PTPRD: variants seen among roughly 807,000 people sequenced by gnomAD.
PTPRD encodes the protein protein tyrosine phosphatase receptor type D, also known as receptor-type tyrosine-protein phosphatase delta.
In PTPRD, 34 loss-of-function variants were observed where a neutral mutation model predicts 214.5. That is an observed-to-expected ratio of 0.16 (90% CI 0.12 to 0.21). The LOEUF (loss-of-function observed/expected upper bound fraction) is 0.21. Ranked by LOEUF, PTPRD falls within the 10% of genes least tolerant of loss-of-function variation. The pLI is 1.00. For missense variants in PTPRD, 2,545 were observed against 2,398.7 expected, an observed-to-expected ratio of 1.06 and a Z score of -1.27; for synonymous variants, 1,128 against 845.7, an observed-to-expected ratio of 1.33 and a Z score of -5.79.
At chr9:8,750,646 C>A (rs1318279136) in intron 11 of PTPRD, among the ~76,000 whole-genome samples, 1 of 152,128 alleles carries the variant, frequency 6.6e-6, no homozygotes, top group Non-Finnish European at 1.5e-5. Flanking sequence ...TGCAGAAAAG[C>A]TTCCCATGTG....
intron 3 of PTPRD, among the ~76,000 whole-genome samples, chr9:10,325,315 TA>T (rs2096623741): frequency 6.6e-6 from 1 of 151,992 alleles, no homozygotes; most frequent in Non-Finnish European, 1.5e-5. Context: ...TAGGCAATTT[TA>T]AAAACGTTTT....
At chr9:9,339,989 G>C (rs761124776) in intron 9 of PTPRD, among the ~76,000 whole-genome samples, 2 of 152,106 alleles carry the variant, frequency 1.3e-5, no homozygotes, top group Non-Finnish European at 2.9e-5. Flanking sequence ...TAATTGGGTA[G>C]GCTGTATGTA....
chr9:8,829,437 T>C lies in PTPRD; in HGVS notation c.-103-95491A>G, dbSNP rs60556926. Among the ~76,000 whole-genome samples the C allele has an allele frequency of 9.8e-4, 150 of 152,336 alleles. 2 individuals carry two copies. In the East Asian group the frequency reaches 0.023, roughly 23 times the overall value. ...CACACAATATACTGTTCTCGAGATTTATCATTTTGTGCATACATCAGTTCA... is the reference window on the plus strand; with the variant it reads ...CACACAATATACTGTTCTCGAGATTCATCATTTTGTGCATACATCAGTTCA... On this transcript the variant is annotated intron_variant, in intron 11 of 45. Coordinates refer to ENST00000381196, the MANE Select transcript of PTPRD (RefSeq NM_002839.4).
intron 3 of PTPRD, among the ~76,000 whole-genome samples, chr9:10,229,281 G>T (rs754817656): frequency 6.6e-6 from 1 of 152,048 alleles, no homozygotes; most frequent in Non-Finnish European, 1.5e-5. Flanking sequence ...AATCATTGTG[G>T]AAGTCACTGT....
chr9:10,121,238 C>T (rs891384754), intron 3 of PTPRD, among the ~76,000 whole-genome samples: 2 of 152,074 alleles, frequency 1.3e-5, no homozygotes, highest in African/African-American at 4.8e-5. Context: ...TTTAAATTGT[C>T]TTTCTTTAGC....
At chr9:10,082,351 AG>A (rs1447247203) in intron 3 of PTPRD, among the ~76,000 whole-genome samples, 1 of 152,146 alleles carries the variant, frequency 6.6e-6, no homozygotes, top group East Asian at 1.9e-4. Context: ...AACACGGTCA[AG>A]ATGTACAGCA....
intron 2 of PTPRD, among the ~76,000 whole-genome samples, chr9:10,449,480 G>A: frequency 6.6e-6 from 1 of 150,538 alleles, no homozygotes; most frequent in Middle Eastern, 3.4e-3. Context: ...GAAGTGAGGA[G>A]CCTCTCTGCC....
chr9:9,971,608 C>G (rs1314134615), intron 4 of PTPRD, among the ~76,000 whole-genome samples: 1 of 152,008 alleles, frequency 6.6e-6, no homozygotes, highest in Non-Finnish European at 1.5e-5. Flanking sequence ...GAAGAAAATT[C>G]GAGAATTTAC....
intron 11 of PTPRD, among the ~76,000 whole-genome samples, chr9:8,941,419 G>GTA (rs1307804558): frequency 5.9e-5 from 9 of 152,008 alleles, no homozygotes; most frequent in South Asian, 2.1e-4. Context: ...ATGTGTGTGT[G>GTA]TATATATATA....
At chr9:10,215,754 A>G (rs1265938100) in intron 3 of PTPRD, among the ~76,000 whole-genome samples, 1 of 152,096 alleles carries the variant, frequency 6.6e-6, no homozygotes, top group Non-Finnish European at 1.5e-5. Flanking sequence ...GTCTGTCAAA[A>G]CTGGAATTAT....
intron 5 of PTPRD, among the ~76,000 whole-genome samples, chr9:9,884,621 GT>G: frequency 6.6e-6 from 1 of 152,236 alleles, no homozygotes; most frequent in Non-Finnish European, 1.5e-5. Flanking sequence ...GTTTGGCTGT[GT>G]CCCCAACCAA....
At chr9:10,358,526 C>T (rs1199806700) in intron 2 of PTPRD, among the ~76,000 whole-genome samples, 1 of 151,790 alleles carries the variant, frequency 6.6e-6, no homozygotes, top group African/African-American at 2.4e-5. Context: ...TATTAAATAG[C>T]TGCAATGTCA....
intron 3 of PTPRD, among the ~76,000 whole-genome samples, chr9:10,183,715 G>A (rs1224425203): frequency 3.3e-5 from 5 of 152,012 alleles, no homozygotes; most frequent in African/African-American, 1.2e-4. Flanking sequence ...GACAAAGAGA[G>A]GACACAAGAA....
At chr9:10,083,430 T>C (rs780764542) in intron 3 of PTPRD, among the ~76,000 whole-genome samples, 1 of 152,044 alleles carries the variant, frequency 6.6e-6, no homozygotes, top group Non-Finnish European at 1.5e-5. Context: ...ATGCTTGTTG[T>C]AAAGAGAAAT....
chr9:9,972,510 G>C (rs1361864352), intron 4 of PTPRD, among the ~76,000 whole-genome samples: 2 of 152,110 alleles, frequency 1.3e-5, no homozygotes, highest in Admixed American at 1.3e-4. Context: ...AATTACTTGA[G>C]TGCCTATTTG....
intron 10 of PTPRD, among the ~76,000 whole-genome samples, chr9:9,164,442 C>G (rs534466204): frequency 1.3e-5 from 2 of 152,212 alleles, no homozygotes; most frequent in African/African-American, 2.4e-5. Context: ...CTTCTGATCA[C>G]GATATCTTTA....
At chr9:9,523,734 C>T (rs1431130712) in intron 8 of PTPRD, among the ~76,000 whole-genome samples, 1 of 152,180 alleles carries the variant, frequency 6.6e-6, no homozygotes, top group Non-Finnish European at 1.5e-5. Flanking sequence ...TCTGAGACAG[C>T]ATGTGGTCCT....
chr9:8,874,592 C>T (rs1265517792), intron 11 of PTPRD, among the ~76,000 whole-genome samples: 1 of 152,150 alleles, frequency 6.6e-6, no homozygotes, highest in Non-Finnish European at 1.5e-5. Flanking sequence ...TACTTGGTTA[C>T]CTTGTTCTCC....
At chr9:9,933,406 A>G (rs1236000758) in intron 5 of PTPRD, among the ~76,000 whole-genome samples, 2 of 151,742 alleles carry the variant, frequency 1.3e-5, no homozygotes, top group Non-Finnish European at 1.5e-5. Flanking sequence ...ATGGAAAACA[A>G]AAAAAGGCAG....
Sources: allele counts gnomAD v4.1 joint callset (sites outside exome capture counted in the v4.1 genomes callset), GRCh38; gene constraint gnomAD v4.1.1; transcripts MANE v1.5; gene names NCBI Gene and HGNC (gene_info 2026-07-23, HGNC 2026-07-21).